The following PDLIM5 variants were observed in gnomAD, a reference collection of about 807,000 sequenced individuals.
PDLIM5 encodes PDZ and LIM domain 5, also known as PDZ and LIM domain protein 5.
PDLIM5 carries 34 observed loss-of-function variants against 64.2 expected under a neutral mutation model. The ratio of observed to expected loss-of-function variants is 0.53; its 90% CI spans 0.40 to 0.71. The LOEUF (loss-of-function observed/expected upper bound fraction) is 0.71, where lower values mean the gene tolerates loss of function less well. Ranked by LOEUF, PDLIM5 falls within the 30% of genes least tolerant of loss-of-function variation. The probability of loss-of-function intolerance (pLI) is 0.00; values close to 1 mark genes in which losing one functional copy is unlikely to be tolerated. For missense variants in PDLIM5, 683 were observed against 733.6 expected, an observed-to-expected ratio of 0.93 and a Z score of 0.80; for synonymous variants, 253 against 269.1, an observed-to-expected ratio of 0.94 and a Z score of 0.59.
Position 94,618,151 on chromosome 4 carries a change from C to T in PDLIM5, c.1068C>T (p.Gly356=), listed in dbSNP as rs761841092. 4 of 1,606,638 alleles carry T rather than the reference C, an allele frequency of 2.5e-6. No individual in the cohort carries two copies. The highest frequency in any genetic ancestry group is 1.7e-5 in the Admixed American group (1 of 58,732). The part of the protein sequence containing the change: ...AAAFKPVGST[G]VIKSPSWQRP... ...CCTTCAAGCCTGTAGGATCCACTGG[C>T]GTCATCAAGTCACCAAGCTGGCAAC... The change falls in exon 8 of 13, where the codon GGC becomes GGT. Residue 356 remains glycine (G), a synonymous_variant. Transcript: ENST00000317968.
intron 8 of PDLIM5, among the ~76,000 whole-genome samples, chr4:94,621,498 C>T (rs1422805525): frequency 1.3e-5 from 2 of 152,074 alleles, no homozygotes; most frequent in South Asian, 2.1e-4. Flanking sequence ...TTGTAAAAAG[C>T]AACGAAAAGA....
chr4:94,522,442 C>T (rs1002230078), intron 2 of PDLIM5, among the ~76,000 whole-genome samples: 28 of 152,060 alleles, frequency 1.8e-4, no homozygotes, highest in African/African-American at 5.8e-4. Flanking sequence ...GTTGCACGAT[C>T]TCAGCTCACT....
intron 3 of PDLIM5, among the ~76,000 whole-genome samples, chr4:94,560,075 A>T (rs907611140): frequency 6.6e-6 from 1 of 152,196 alleles, no homozygotes; most frequent in African/African-American, 2.4e-5. Flanking sequence ...TCCAAGGTCC[A>T]CACTGTCCCC....
intron 7 of PDLIM5, among the ~76,000 whole-genome samples, chr4:94,589,980 T>C (rs1416257235): frequency 6.6e-6 from 1 of 152,112 alleles, no homozygotes; most frequent in Non-Finnish European, 1.5e-5. Context: ...TTTCACCATG[T>C]TGGCCAGGCT....
intron 2 of PDLIM5, among the ~76,000 whole-genome samples, chr4:94,484,804 T>C (rs561652705): frequency 6.6e-5 from 10 of 152,324 alleles, no homozygotes; most frequent in Non-Finnish European, 2.9e-5. Context: ...TAGGCTTCTG[T>C]TATAGAAATG....
chr4:94,588,748 A>T (rs1235538079), intron 7 of PDLIM5, among the ~76,000 whole-genome samples: 1 of 152,194 alleles, frequency 6.6e-6, no homozygotes, highest in Non-Finnish European at 1.5e-5. Flanking sequence ...GACCTTGCCT[A>T]CATTCAAGGG....
chr4:94,581,554 G>A (rs1335607778), intron 5 of PDLIM5, among the ~76,000 whole-genome samples: 4 of 152,090 alleles, frequency 2.6e-5, no homozygotes, highest in African/African-American at 9.7e-5. Context: ...ACTTAATCCT[G>A]CATCTCACCC....
chr4:94,466,961 C>T (rs1358988078), intron 2 of PDLIM5, among the ~76,000 whole-genome samples: 1 of 152,154 alleles, frequency 6.6e-6, no homozygotes, highest in Non-Finnish European at 1.5e-5. Flanking sequence ...TTTTGTTTTA[C>T]ACCTCATGAT....
chr4:94,538,519 G>C (rs1247007138), intron 3 of PDLIM5, among the ~76,000 whole-genome samples: 1 of 152,140 alleles, frequency 6.6e-6, no homozygotes, highest in Non-Finnish European at 1.5e-5. Flanking sequence ...TTAAACTGTG[G>C]TCTTAACCTT....
chr4:94,556,974 C>G (rs918518666), intron 3 of PDLIM5, among the ~76,000 whole-genome samples: 2 of 152,152 alleles, frequency 1.3e-5, no homozygotes, highest in South Asian at 4.1e-4. Flanking sequence ...TCAGGAAGTC[C>G]TTGCCCATGC....
intron 7 of PDLIM5, chr4:94,610,963 C>T: frequency 2.6e-6 from 2 of 775,070 alleles, no homozygotes; most frequent in South Asian, 3.4e-5. Flanking sequence ...TCTCTCCCCA[C>T]CCTCTCTCTC....
intron 7 of PDLIM5, chr4:94,588,292 G>C (rs1048660828): frequency 2.2e-6 from 1 of 456,472 alleles, no homozygotes; most frequent in Admixed American, 6.4e-5. Context: ...GGCCAGGTGC[G>C]GTGGCTCACG....
At chr4:94,579,650 G>A in intron 5 of PDLIM5, 2 of 472,188 alleles carry the variant, frequency 4.2e-6, no homozygotes, top group Admixed American at 4.0e-5. Context: ...CTGTAATTTA[G>A]AATAACCACA....
At chr4:94,523,671 T>G in intron 2 of PDLIM5, 53 bp from the exon 3 acceptor site, 1 of 1,396,738 alleles carries the variant, frequency 7.2e-7, no homozygotes, top group Non-Finnish European at 1.0e-6. Context: ...TTTATCAGCA[T>G]TTATTATTCT....
intron 9 of PDLIM5, among the ~76,000 whole-genome samples, chr4:94,645,766 A>G (rs1741365115): frequency 6.6e-6 from 1 of 152,174 alleles, no homozygotes; most frequent in Admixed American, 6.5e-5. Context: ...CAGTCTTTCT[A>G]ATTTATTGCA....
chr4:94,540,408 G>A (rs2452582), intron 3 of PDLIM5, among the ~76,000 whole-genome samples: 2 of 152,058 alleles, frequency 1.3e-5, no homozygotes, highest in South Asian at 2.1e-4. Context: ...GTGAGCCACC[G>A]CACCCAGCCT....
At chr4:94,471,877 TATAA>T in intron 2 of PDLIM5, among the ~76,000 whole-genome samples, 2 of 152,234 alleles carry the variant, frequency 1.3e-5, no homozygotes, top group East Asian at 1.9e-4. Flanking sequence ...ACAAAGATCT[TATAA>T]GTATTTATAC....
intron 8 of PDLIM5, among the ~76,000 whole-genome samples, chr4:94,637,209 T>C (rs1316599037): frequency 2.6e-5 from 4 of 152,168 alleles, no homozygotes; most frequent in African/African-American, 9.7e-5. Flanking sequence ...AGATTCCTCA[T>C]AAATTAAAAA....
intron 3 of PDLIM5, among the ~76,000 whole-genome samples, chr4:94,552,288 T>G (rs757751485): frequency 2.6e-5 from 4 of 152,160 alleles, no homozygotes; most frequent in Non-Finnish European, 5.9e-5. Context: ...ATATATACTC[T>G]AGTATAATTT....
Sources: allele counts gnomAD v4.1 joint callset (sites outside exome capture counted in the v4.1 genomes callset), GRCh38; gene constraint gnomAD v4.1.1; transcripts MANE v1.5; gene names NCBI Gene and HGNC (gene_info 2026-07-23, HGNC 2026-07-21).